PEX5: variants seen among roughly 807,000 people sequenced by gnomAD.
The protein encoded by PEX5 is PTS1 receptor.
Under a neutral mutation model 82.9 loss-of-function variants are expected in PEX5, and 52 were observed. The observed-to-expected ratio is 0.63, with a 90% confidence interval of 0.50 to 0.79. The LOEUF is 0.79. PEX5 is among the 30% of genes least tolerant of loss of function. The pLI is 0.00. For synonymous variants in PEX5, 300 were observed against 318.8 expected (o/e 0.94, Z 0.63); for missense variants, 719 against 815.2 (o/e 0.88, Z 1.44).
chr12:7,214,706 T>TA (rs1945727617), downstream of PEX5, among the ~76,000 whole-genome samples: 1 of 143,046 alleles, frequency 7.0e-6, no homozygotes, highest in African/African-American at 2.6e-5. Flanking sequence ...CCCTAAAACT[T>TA]AAAGTATAAT....
intron 5 of PEX5, among the ~76,000 whole-genome samples, chr12:7,193,999 G>A (rs1301140097): frequency 6.6e-6 from 1 of 152,182 alleles, no homozygotes; most frequent in Non-Finnish European, 1.5e-5. Flanking sequence ...TGCTTTGCAT[G>A]TAGTAGGCCT....
At chr12:7,199,539 A>G (rs1267463730) in intron 6 of PEX5, among the ~76,000 whole-genome samples, 2 of 151,640 alleles carry the variant, frequency 1.3e-5, no homozygotes, top group Admixed American at 1.3e-4. Context: ...ATAGATCAAC[A>G]GGATCCCAAG....
At chr12:7,208,766 A>T in intron 13 of PEX5, 97 bp downstream of exon 13, 1 of 1,076,538 alleles carries the variant, frequency 9.3e-7, no homozygotes, top group South Asian at 1.3e-5. Context: ...ATTGAGACTG[A>T]AGGGTCCTGA....
chr12:7,189,802 A>T, intron 1 of PEX5, 52 bp downstream of exon 1: 1 of 725,018 alleles, frequency 1.4e-6, no homozygotes, highest in Non-Finnish European at 2.0e-6. Context: ...GGCCCTCCCC[A>T]CCCTTGCGGT....
chr12:7,197,292 T>TGTCATATATAATGTAATC (rs1942778886), intron 5 of PEX5, among the ~76,000 whole-genome samples: 1 of 134,588 alleles, frequency 7.4e-6, no homozygotes, highest in African/African-American at 2.9e-5. Flanking sequence ...GTAATAATTA[T>TGTCATATATAATGTAATC]ATATGTCATA....
At chr12:7,189,286 G>C (rs990631247), upstream of PEX5, 1 of 152,310 alleles carries the variant, frequency 6.6e-6, no homozygotes, top group African/African-American at 2.4e-5. Flanking sequence ...GGGAACATTA[G>C]CCAGCCCCAT....
intron 5 of PEX5, among the ~76,000 whole-genome samples, chr12:7,192,375 C>G (rs866606213): frequency 6.6e-6 from 1 of 152,138 alleles, no homozygotes. Context: ...GACCCTGTGG[C>G]CTTAACTGTG....
rs1265595556 is a variant in PEX5 at position 7,211,257 on chromosome 12, T to A, written c.*1034T>A. The A allele has an allele frequency of 6.6e-6, 1 of 152,522 alleles. No individual in the cohort carries two copies. The highest frequency in any genetic ancestry group is 1.5e-5 in the Non-Finnish European group (1 of 68,040). 9.4% of individuals were successfully genotyped at this position (152,522 alleles called of 1,614,324 possible). ...GATGAGGGAGCAGCTTGGATTCTTC[T>A]CAGTTGTCCCCTGCATGGGGAGATA... On this transcript the variant is annotated 3_prime_UTR_variant, in exon 16 of 16. Coordinates refer to ENST00000675855, the MANE Select transcript of PEX5 (RefSeq NM_001351132.2).
At chr12:7,201,232 T>C (rs2136128916) in intron 6 of PEX5, among the ~76,000 whole-genome samples, 1 of 152,254 alleles carries the variant, frequency 6.6e-6, no homozygotes, top group South Asian at 2.1e-4. Context: ...TACACACGTA[T>C]ACATATGTAA....
At chr12:7,206,722 T>C (rs1944846837) in intron 10 of PEX5, among the ~76,000 whole-genome samples, 1 of 146,176 alleles carries the variant, frequency 6.8e-6, no homozygotes, top group Non-Finnish European at 1.5e-5. Context: ...ACAATAATAA[T>C]GAAAAAGGGC....
intron 10 of PEX5, among the ~76,000 whole-genome samples, chr12:7,206,789 A>G (rs1338185351): frequency 2.0e-5 from 3 of 152,200 alleles, no homozygotes; most frequent in Non-Finnish European, 4.4e-5. Context: ...GCATTTAGAA[A>G]GACCTCCACC....
At position 7,199,060 on chromosome 12, in the gene PEX5, A is replaced by G. The variant is rs756714515; in HGVS notation, c.498A>G (p.Gln166=). The G allele has an allele frequency of 2.5e-5, 40 of 1,610,576 alleles. No homozygotes were observed. The South Asian group carries it at 4.3e-4, about 17-fold the overall frequency. ...GCTGGGCTGAGGAATATTTGGAGCA[A>G]TCAGAGGAGAAGCTGTGGCTGGGAG... ...PARWAEEYLE[Q]SEEKLWLGEP... The change falls in exon 6 of 16, where the codon CAA becomes CAG. Residue 166 remains glutamine, a synonymous_variant. Transcript: ENST00000675855.
intron 6 of PEX5, among the ~76,000 whole-genome samples, chr12:7,200,109 C>T (rs1361989713): frequency 1.3e-5 from 2 of 148,284 alleles, no homozygotes; most frequent in East Asian, 2.1e-4. Flanking sequence ...GGCTGCCGGG[C>T]GGAGACGCTC....
At position 7,210,377 on chromosome 12, in the gene PEX5, T is replaced by C; in HGVS notation, c.*154T>C. On this transcript the variant is annotated 3_prime_UTR_variant, in exon 16 of 16. Transcript: ENST00000675855. ...TGCCTCAACGTAGGGGTGGGTAGTC[T>C]GTGTTCTAGTTCCTACATAATTGTA... 1.4e-6 allele frequency: 1 copy of C among 707,742 alleles called. No homozygotes were observed. The highest frequency in any genetic ancestry group is 2.7e-5 in the East Asian group (1 of 37,428). The allele number at this position is 707,742 out of a possible 1,614,324, so 43.8% of individuals were successfully genotyped here.
chr12:7,190,207 C>T lies in PEX5; in HGVS notation c.-16-155C>T, dbSNP rs766064345. ...AGAGAGTACCGACCTCCCTCGAACT[C>T]CTGGCAGAGGTGGGGGTCGCAGCAA... On this transcript the variant is annotated intron_variant, in intron 1 of 15. Coordinates refer to ENST00000675855, the MANE Select transcript of PEX5 (RefSeq NM_001351132.2). The T allele has an allele frequency of 5.7e-6, 9 of 1,567,500 alleles. 1 individual carries two copies. The highest frequency in any genetic ancestry group is 5.7e-5 in the South Asian group (5 of 87,562).
intron 11 of PEX5, 67 bp from the exon 12 acceptor site, chr12:7,207,943 G>A (rs1945020148): frequency 6.5e-7 from 1 of 1,529,534 alleles, no homozygotes; most frequent in Non-Finnish European, 9.1e-7. Context: ...GTGAGTGGGA[G>A]AAGCCAGGGG....
At chr12:7,214,682 A>G (rs926535326), downstream of PEX5, among the ~76,000 whole-genome samples, 1 of 151,134 alleles carries the variant, frequency 6.6e-6, no homozygotes, top group Admixed American at 6.6e-5. Context: ...TAACCTGCAC[A>G]TTGTGCACAT....
chr12:7,209,954 T>G lies in PEX5; in HGVS notation c.1719-68T>G. 6.9e-6 allele frequency: 11 copies of G among 1,597,026 alleles called. No individual in the cohort carries two copies. The South Asian group carries it at 1.1e-4, about 16-fold the overall frequency. On this transcript the variant is annotated intron_variant, in intron 15 of 15. Transcript: ENST00000675855. ...CCAGCCCTAGCTTTCTCCCTCCCAC[T>G]GCTAGCTGACCTGCTTCCTTCCATT...
intron 17 of PEX5, among the ~76,000 whole-genome samples, chr12:7,217,931 TGTG>T (rs1945824797): frequency 6.6e-6 from 1 of 152,212 alleles, no homozygotes; most frequent in African/African-American, 2.4e-5. Flanking sequence ...GTTGTCCCTT[TGTG>T]GTGGTCAGCA....
Sources: allele counts gnomAD v4.1 joint callset (sites outside exome capture counted in the v4.1 genomes callset), GRCh38; gene constraint gnomAD v4.1.1; transcripts MANE v1.5; gene names NCBI Gene and HGNC (gene_info 2026-07-23, HGNC 2026-07-21).